The following MME variants were observed in gnomAD, a reference collection of about 807,000 sequenced individuals.
MME encodes the protein membrane metalloendopeptidase, also known as neprilysin.
MME carries 98 observed loss-of-function variants against 113.2 expected under a neutral mutation model. The observed-to-expected ratio is 0.87, with a 90% CI of 0.74 to 1.02. The LOEUF is 1.02. Among genes scored for constraint, MME ranks in the 50% least tolerant of loss-of-function variants. The pLI, the probability that MME is intolerant of heterozygous loss-of-function variation, is 0.00. For missense variants in MME, 836 were observed against 896.0 expected (o/e 0.93, Z 0.86); for synonymous variants, 292 against 300.6 (o/e 0.97, Z 0.30).
At chr3:155,103,084 CAGAGCA>C (rs922437521) in intron 3 of MME, among the ~76,000 whole-genome samples, 69 of 152,312 alleles carry the variant, frequency 4.5e-4, no homozygotes, top group African/African-American at 9.4e-4. Flanking sequence ...CCTTCATTCC[CAGAGCA>C]TCCTATACGC....
chr3:155,076,958 C>A (rs1451591948), upstream of MME, among the ~76,000 whole-genome samples: 1 of 152,186 alleles, frequency 6.6e-6, no homozygotes, highest in Non-Finnish European at 1.5e-5. Context: ...TAGGTTTTGG[C>A]TGGCTTCTTT....
chr3:155,049,277 G>C (rs1029882097), intron 1 of MME, among the ~76,000 whole-genome samples: 3 of 152,060 alleles, frequency 2.0e-5, no homozygotes, highest in Non-Finnish European at 1.5e-5. Context: ...TGCACCCCAT[G>C]TCCCAAGAGA....
At chr3:155,105,019 A>G (rs1417923904) in intron 3 of MME, among the ~76,000 whole-genome samples, 2 of 152,154 alleles carry the variant, frequency 1.3e-5, no homozygotes, top group Admixed American at 6.5e-5. Context: ...TATTATTATT[A>G]TTAATAGAAT....
chr3:155,059,258 CA>C (rs11459710), intron 1 of MME, among the ~76,000 whole-genome samples: 280 of 56,046 alleles, frequency 5.0e-3, no homozygotes, highest in Middle Eastern at 0.022. Flanking sequence ...AATTCTGTCT[CA>C]AAAAAAAAAA....
chr3:155,118,730 T>C lies in MME; in HGVS notation c.655-16T>C, dbSNP rs754197938. Reference sequence around the variant, plus strand: ...TCACTGAATGATTTATTTTCTTTTATGTATATTTTTTATAGATTGACCAAC... The same window carrying C: ...TCACTGAATGATTTATTTTCTTTTACGTATATTTTTTATAGATTGACCAAC... On this transcript the variant is annotated splice_polypyrimidine_tract_variant and intron_variant, in intron 7 of 22. Coordinates refer to ENST00000360490, the MANE Select transcript of MME (RefSeq NM_007289.4). 10 of 1,490,046 alleles carry C rather than the reference T, an allele frequency of 6.7e-6. No individual in the cohort carries two copies. Among genetic ancestry groups the C allele is most frequent in the African/African-American group, 5.6e-5 (4 of 71,664 alleles). 92.3% of individuals were successfully genotyped at this position (1,490,046 alleles called of 1,614,324 possible).
Position 155,118,766 on chromosome 3 carries a change from C to A in MME, c.675C>A (p.Gly225=). ...HVIHIDQPRL[G]LPSRDYYECT... The stretch of plus-strand genomic sequence containing the variant: ...TATAGATTGACCAACCTCGACTTGG[C>A]CTCCCTTCTAGAGATTACTATGAAT... Residue 225 remains glycine, a synonymous_variant, in exon 8 of 23, where the codon GGC becomes GGA. Coordinates refer to ENST00000360490, the MANE Select transcript of MME (RefSeq NM_007289.4). The A allele has an allele frequency of 6.2e-7, 1 of 1,601,304 alleles. No homozygotes were observed.
intron 1 of MME, among the ~76,000 whole-genome samples, chr3:155,045,430 G>T (rs1014102762): frequency 6.6e-6 from 1 of 151,970 alleles, no homozygotes; most frequent in African/African-American, 2.4e-5. Context: ...TTACAGGTGT[G>T]AGCCACCACG....
At chr3:155,054,344 T>G (rs1284061908) in intron 1 of MME, among the ~76,000 whole-genome samples, 1 of 152,174 alleles carries the variant, frequency 6.6e-6, no homozygotes, top group African/African-American at 2.4e-5. Flanking sequence ...TAGATAATTT[T>G]GGAACATTCT....
In MME at chr3:155,183,088, A is replaced by C. The variant is rs201932356; in HGVS notation, c.*2629A>C. 9 of 152,212 alleles carry C rather than the reference A, an allele frequency of 5.9e-5. No homozygotes were observed. The highest frequency in any genetic ancestry group is 1.2e-4 in the Non-Finnish European group (8 of 68,034). The allele number at this position is 152,212 out of a possible 1,614,324, so 9.4% of individuals were successfully genotyped here. ...GAAACTCACAAATGATGGTAGGAAG[A>C]AGCTCTCGACAATACCCGTTGGCAA... is the stretch of plus-strand genomic sequence containing the variant. On this transcript the variant is annotated 3_prime_UTR_variant, in exon 23 of 23. Coordinates refer to ENST00000360490, the MANE Select transcript of MME (RefSeq NM_007289.4).
At chr3:155,177,299 C>T (rs971843864) in intron 22 of MME, among the ~76,000 whole-genome samples, 1 of 152,168 alleles carries the variant, frequency 6.6e-6, no homozygotes, top group Non-Finnish European at 1.5e-5. Flanking sequence ...AGGGAGCTTG[C>T]TCCCTAGTGT....
At chr3:155,059,290 C>T (rs1457742084) in intron 1 of MME, among the ~76,000 whole-genome samples, 6 of 144,828 alleles carry the variant, frequency 4.1e-5, no homozygotes, top group Non-Finnish European at 9.0e-5. Flanking sequence ...AAGGAAGGAT[C>T]ACTTTTAAGT....
chr3:155,059,582 A>C (rs1163846339), intron 1 of MME, among the ~76,000 whole-genome samples: 1 of 152,150 alleles, frequency 6.6e-6, no homozygotes, highest in Non-Finnish European at 1.5e-5. Flanking sequence ...GCTATTAACC[A>C]CTATATTTTA....
At chr3:155,067,654 T>C (rs1714429927) in intron 1 of MME, among the ~76,000 whole-genome samples, 1 of 152,114 alleles carries the variant, frequency 6.6e-6, no homozygotes, top group Non-Finnish European at 1.5e-5. Flanking sequence ...CCAAAAAAGA[T>C]ATATGGATAA....
intron 8 of MME, among the ~76,000 whole-genome samples, chr3:155,132,357 A>G (rs1166168134): frequency 6.6e-6 from 1 of 152,194 alleles, no homozygotes; most frequent in Non-Finnish European, 1.5e-5. Context: ...GATTCTGCAA[A>G]ATGAAGATAG....
intron 20 of MME, 83 bp downstream of exon 20, chr3:155,168,880 A>G (rs1343866107): frequency 1.6e-6 from 2 of 1,213,596 alleles, no homozygotes; most frequent in East Asian, 2.4e-5. Flanking sequence ...CTTTTGCAAA[A>G]AAAGAAACTC....
At chr3:155,067,561 G>A (rs1026895684) in intron 1 of MME, among the ~76,000 whole-genome samples, 5 of 151,742 alleles carry the variant, frequency 3.3e-5, no homozygotes, top group African/African-American at 7.3e-5. Flanking sequence ...TGCCCACCTC[G>A]GCCTCCCAAA....
chr3:155,029,744 C>T (rs1381356844), intron 1 of MME, among the ~76,000 whole-genome samples: 1 of 152,086 alleles, frequency 6.6e-6, no homozygotes, highest in Admixed American at 6.6e-5. Context: ...ACTAGTTCTA[C>T]TTGCCAAAGA....
upstream of MME, chr3:155,080,027 G>A (rs933047293): frequency 6.6e-6 from 1 of 152,468 alleles, no homozygotes; most frequent in Non-Finnish European, 1.5e-5. Flanking sequence ...GCGAGCTGAG[G>A]GAGAAAGGTC....
rs539117459 is a variant in MME, at chr3:155,085,504, T to C, written c.196+410T>C. On this transcript the variant is annotated intron_variant, in intron 3 of 22. Coordinates refer to ENST00000360490, the MANE Select transcript of MME (RefSeq NM_007289.4). Reference sequence around the variant, plus strand: ...AAATCTAGGTGGAGAAGTTAAAATCTGGGAAGAAATTTCATTTTATTTATT... The same window carrying C: ...AAATCTAGGTGGAGAAGTTAAAATCCGGGAAGAAATTTCATTTTATTTATT... 289 of 154,384 alleles carry C rather than the reference T, an allele frequency of 1.9e-3. 1 individual carries two copies. Among genetic ancestry groups the C allele is most frequent in the Middle Eastern group, 9.7e-3 (3 of 308 alleles). 9.6% of individuals were successfully genotyped at this position (154,384 alleles called of 1,614,324 possible).
Sources: allele counts gnomAD v4.1 joint callset (sites outside exome capture counted in the v4.1 genomes callset), GRCh38; gene constraint gnomAD v4.1.1; transcripts MANE v1.5; gene names NCBI Gene and HGNC (gene_info 2026-07-23, HGNC 2026-07-21).